Variants in SIN3B observed in about 807,000 individuals in gnomAD.
SIN3B encodes the protein paired amphipathic helix protein Sin3b.
Under a neutral mutation model 120.2 loss-of-function variants are expected in SIN3B, and 19 were observed. The ratio of observed to expected loss-of-function variants is 0.16; its 90% CI spans 0.11 to 0.23. The LOEUF (loss-of-function observed/expected upper bound fraction) is 0.23, where lower values mean the gene tolerates loss of function less well. SIN3B is among the 10% of genes least tolerant of loss of function. The pLI is 1.00. For synonymous variants in SIN3B, 654 were observed against 653.2 expected, an observed-to-expected ratio of 1.00 and a Z score of -0.02; for missense variants, 1,073 against 1,573.0, an observed-to-expected ratio of 0.68 and a Z score of 5.38.
At position 16,869,722 on chromosome 19, in the gene SIN3B, G is replaced by A; in HGVS notation, c.2069G>A (p.Gly690Glu). The stretch of plus-strand genomic sequence containing the variant: ...GATGAGGACCGGGACAGCCCCCAGG[G>A]GCAGACCACAGACCCCAGTGAGCGG... ...SADEDRDSPQ[G>E]QTTDPSERKK... The change falls in exon 13 of 19, where the codon GGG (glycine) becomes GAG (glutamate). Residue 690 changes from glycine to glutamate, a missense_variant. Coordinates refer to ENST00000248054, the MANE Select transcript of SIN3B (RefSeq NM_001297595.2). 2 of 1,613,338 alleles carry A rather than the reference G, an allele frequency of 1.2e-6. No individual in the cohort carries two copies. The highest frequency in any genetic ancestry group is 1.1e-5 in the South Asian group (1 of 91,086).
chr19:16,859,188 TCTAA>T (rs2144605124), intron 8 of SIN3B, among the ~76,000 whole-genome samples: 1 of 152,196 alleles, frequency 6.6e-6, no homozygotes, highest in African/African-American at 2.4e-5. Flanking sequence ...GTCGAACCCC[TCTAA>T]CTTACTCTAG....
chr19:16,876,851 T>A lies in SIN3B; in HGVS notation c.2859+273T>A. ...GGAGGGGAACCAAGCCACCTCTCCC[T>A]GGCCCCCGACTCCCACTCAGGGCAT... On this transcript the variant is annotated intron_variant, in intron 16 of 18. Coordinates refer to ENST00000248054, the MANE Select transcript of SIN3B (RefSeq NM_001297595.2). The surrounding 1 kb of genome is among the most constrained non-coding windows in gnomAD (Gnocchi z 7.1). 2.5e-6 allele frequency: 1 copy of A among 399,890 alleles called. No homozygotes were observed. Among genetic ancestry groups the A allele is most frequent in the Non-Finnish European group, 4.5e-6 (1 of 220,108 alleles). The allele number at this position is 399,890 out of a possible 1,614,324, so 24.8% of individuals were successfully genotyped here. A position where few individuals can be genotyped will look rare whatever the true frequency, so the allele number is the denominator to read the frequency against.
chr19:16,878,106 T>TG, intron 17 of SIN3B, 77 bp from the exon 18 acceptor site: 1 of 1,269,264 alleles, frequency 7.9e-7, no homozygotes, highest in Non-Finnish European at 1.1e-6. Flanking sequence ...GTCCCAGGCC[T>TG]GGGGGTTTCC....
At chr19:16,850,456 T>C (rs1417090756) in intron 5 of SIN3B, among the ~76,000 whole-genome samples, 1 of 152,010 alleles carries the variant, frequency 6.6e-6, no homozygotes, top group Non-Finnish European at 1.5e-5. Flanking sequence ...TTTTTTTTTG[T>C]TTGTTTGTTT....
At chr19:16,854,838 G>C (rs896803697) in intron 8 of SIN3B, 3 of 152,216 alleles carry the variant, frequency 2.0e-5, no homozygotes, top group Admixed American at 2.0e-4. Context: ...TATTTTACTT[G>C]TTTTTACTCA....
In SIN3B at chr19:16,878,818, G is replaced by A; in HGVS notation, c.*91G>A. The A allele has an allele frequency of 8.9e-7, 1 of 1,123,484 alleles. No homozygotes were observed. The highest frequency in any genetic ancestry group is 1.5e-5 in the South Asian group (1 of 66,996). 69.6% of individuals were successfully genotyped at this position (1,123,484 alleles called of 1,614,324 possible). ...TCGGGGCCGTTTTCTTGAACGACGT[G>A]AGAGGCATCTCCCAGCCCCTCTGCT... On this transcript the variant is annotated 3_prime_UTR_variant, in exon 19 of 19. Transcript: ENST00000248054.
At chr19:16,843,255 G>A (rs1971440667) in intron 4 of SIN3B, among the ~76,000 whole-genome samples, 2 of 152,264 alleles carry the variant, frequency 1.3e-5, no homozygotes, top group South Asian at 2.1e-4. Flanking sequence ...GGGCCACCAC[G>A]CCCAGCTAAT....
At position 16,846,997 on chromosome 19, in the gene SIN3B, C is replaced by G. The variant is rs557026752; in HGVS notation, c.610C>G (p.Pro204Ala). ...QKEQLNTRGR[P>A]FRGMSEEEVF... Reference sequence around the variant, plus strand: ...GGAGCAGCTGAACACGAGGGGCCGGCCATTCCGAGGCATGTCTGAAGAGGA... The same window carrying G: ...GGAGCAGCTGAACACGAGGGGCCGGGCATTCCGAGGCATGTCTGAAGAGGA... Residue 204 changes from proline (P) to alanine (A), a missense_variant, in exon 5 of 19, where the codon CCA (proline) becomes GCA (alanine). Pro to Ala is a conservative substitution (Grantham distance 27, BLOSUM62 -1). This residue lies in a region of SIN3B where 395 missense variants were observed against 528.0 expected (regional missense o/e 0.75). Coordinates refer to ENST00000248054, the MANE Select transcript of SIN3B (RefSeq NM_001297595.2). 6.2e-6 allele frequency: 10 copies of G among 1,614,154 alleles called. No individual in the cohort carries two copies. The East Asian group carries it at 2.2e-4, about 36-fold the overall frequency.
chr19:16,835,161 C>T (rs534348692), intron 3 of SIN3B, among the ~76,000 whole-genome samples: 198 of 151,422 alleles, frequency 1.3e-3, no homozygotes, highest in African/African-American at 3.2e-3. Flanking sequence ...CCCGACCTCA[C>T]GTGATCTGCC....
At position 16,862,657 on chromosome 19, in the gene SIN3B, T is replaced by C; in HGVS notation, c.1266+98T>C. Reference sequence around the variant, plus strand: ...CCCCCGTTATGAATGAAATGCTGTGTGCTCAGCCCTCCTGAATGTTGGGTT... The same window carrying C: ...CCCCCGTTATGAATGAAATGCTGTGCGCTCAGCCCTCCTGAATGTTGGGTT... On this transcript the variant is annotated intron_variant, in intron 9 of 18. Coordinates refer to ENST00000248054, the MANE Select transcript of SIN3B (RefSeq NM_001297595.2). The surrounding 1 kb of genome is among the most constrained non-coding windows in gnomAD (Gnocchi z 4.7). 7.9e-7 allele frequency: 1 copy of C among 1,262,600 alleles called. No individual in the cohort carries two copies. Among genetic ancestry groups the C allele is most frequent in the Non-Finnish European group, 1.1e-6 (1 of 881,454 alleles). The allele number at this position is 1,262,600 out of a possible 1,614,324, so 78.2% of individuals were successfully genotyped here.
In SIN3B at chr19:16,869,554, C is replaced by G. The variant is rs1370470959; in HGVS notation, c.1901C>G (p.Ala634Gly). ...GACCGGCAGATCCTGGAGGACGCAG[C>G]AGCGCTCATCAGCTACTACGTGAAG... ...YEDRQILEDAAALISYYVKRQ... is the reference protein window; with the variant it reads ...YEDRQILEDAGALISYYVKRQ... Residue 634 changes from alanine to glycine, a missense_variant, in exon 13 of 19, where the codon GCA becomes GGA. Transcript: ENST00000248054. The G allele has an allele frequency of 6.2e-7, 1 of 1,613,754 alleles. No homozygotes were observed. The highest frequency in any genetic ancestry group is 8.5e-7 in the Non-Finnish European group (1 of 1,180,046).
At chr19:16,873,338 A>G (rs2051537108) in intron 14 of SIN3B, among the ~76,000 whole-genome samples, 1 of 152,066 alleles carries the variant, frequency 6.6e-6, no homozygotes, top group Admixed American at 6.5e-5. Context: ...CCTTCGCTTC[A>G]GCCCCCTCCA....
chr19:16,870,690 ACAGGCACC>A (rs1314319727), intron 13 of SIN3B, among the ~76,000 whole-genome samples: 2 of 150,584 alleles, frequency 1.3e-5, no homozygotes, highest in African/African-American at 4.9e-5. Context: ...AGCTGGGATT[ACAGGCACC>A]CACCACCATG....
At chr19:16,868,168 C>T (rs1971804316) in intron 12 of SIN3B, among the ~76,000 whole-genome samples, 2 of 152,150 alleles carry the variant, frequency 1.3e-5, no homozygotes, top group South Asian at 4.1e-4. Context: ...GTGTTTATGG[C>T]ATAAATGAGA....
Position 16,869,474 on chromosome 19 carries a change from C to T in SIN3B, c.1821C>T (p.His607=). 1 of 1,609,200 alleles carries T rather than the reference C, an allele frequency of 6.2e-7. No individual in the cohort carries two copies. The highest frequency in any genetic ancestry group is 1.1e-5 in the South Asian group (1 of 90,936). Residue 607 remains histidine (H), a synonymous_variant, in exon 13 of 19, where the codon CAC becomes CAT. Transcript: ENST00000248054. The part of the protein sequence containing the change: ...ESVYDEHQEQ[H]SEGRSAPSSE... ...TCCCCCCACAGCACCAGGAGCAGCA[C>T]TCGGAGGGCCGCAGTGCCCCCTCTA...
chr19:16,845,205 A>C (rs1971464575), intron 4 of SIN3B, among the ~76,000 whole-genome samples: 1 of 152,220 alleles, frequency 6.6e-6, no homozygotes, highest in Non-Finnish European at 1.5e-5. Flanking sequence ...CGTACTATGC[A>C]TTCATAGAGA....
At chr19:16,832,296 C>T (rs1391939130) in intron 3 of SIN3B, among the ~76,000 whole-genome samples, 2 of 148,584 alleles carry the variant, frequency 1.3e-5, no homozygotes, top group Admixed American at 1.4e-4. Flanking sequence ...CTCCCAGGTT[C>T]AAGCAATTCT....
chr19:16,856,864 G>A (rs983505007), intron 8 of SIN3B, among the ~76,000 whole-genome samples: 7 of 152,116 alleles, frequency 4.6e-5, no homozygotes, highest in African/African-American at 1.7e-4. Flanking sequence ...GAGCCACCAT[G>A]CCTGGCCATG....
chr19:16,862,201 A>G lies in SIN3B; in HGVS notation c.1059-151A>G, dbSNP rs1599605465. 1 of 652,356 alleles carries G rather than the reference A, an allele frequency of 1.5e-6. No individual in the cohort carries two copies. The highest frequency in any genetic ancestry group is 2.6e-6 in the Non-Finnish European group (1 of 379,926). 40.4% of individuals were successfully genotyped at this position (652,356 alleles called of 1,614,324 possible). On this transcript the variant is annotated intron_variant, in intron 8 of 18. Transcript: ENST00000248054. This position sits in a 1 kb window ranked among gnomAD's most constrained non-coding sequence, Gnocchi z 4.7. ...CGGGACTTGCAGTGACTTCCTGTGTATTGGATTCTTCCGCCTCTCATTCGC... is the reference window on the plus strand; with the variant it reads ...CGGGACTTGCAGTGACTTCCTGTGTGTTGGATTCTTCCGCCTCTCATTCGC...
Sources: gnomAD v4.1 joint callset for allele counts (sites outside exome capture counted in the v4.1 genomes callset) on GRCh38, gnomAD v4.1.1 for gene constraint, gnomAD v4.1.1 regional missense constraint, Gnocchi (gnomAD v3.1) non-coding constraint, MANE v1.5 for transcripts, NCBI Gene and HGNC (gene_info 2026-07-23, HGNC 2026-07-21) for gene names.